CCDC57: variants seen among roughly 807,000 people sequenced by gnomAD.
The protein encoded by CCDC57 is coiled-coil domain-containing protein 57.
Under a neutral mutation model 118.9 loss-of-function variants are expected in CCDC57, and 118 were observed. That is an observed-to-expected ratio of 0.99 (90% CI 0.86 to 1.16). The LOEUF (loss-of-function observed/expected upper bound fraction) is 1.16, where lower values mean the gene tolerates loss of function less well. CCDC57 is among the 50% of genes most tolerant of loss of function. The pLI is 0.00. For missense variants in CCDC57, 1,300 were observed against 1,320.7 expected, an observed-to-expected ratio of 0.98 and a Z score of 0.24; for synonymous variants, 527 against 532.9, an observed-to-expected ratio of 0.99 and a Z score of 0.15.
In CCDC57 at chr17:82,195,160, C is replaced by G. The variant is rs1016145650; in HGVS notation, c.618+103G>C. The G allele has an allele frequency of 6.9e-5, 58 of 846,288 alleles. 1 individual carries two copies. The highest frequency in any genetic ancestry group is 5.2e-4 in the South Asian group (36 of 68,766). The allele number at this position is 846,288 out of a possible 1,614,324, so 52.4% of individuals were successfully genotyped here. A position where few individuals can be genotyped will look rare whatever the true frequency, so the allele number is the denominator to read the frequency against. On this transcript the variant is annotated intron_variant, in intron 5 of 19. Transcript: ENST00000665763. The stretch of plus-strand genomic sequence containing the variant: ...TGAACTCCTGGGCCCAAGGGATCCT[C>G]TTGCCTTGGTCTCCCAAAGTGCTGA...
intron 8 of CCDC57, 23 bp from the exon 8 acceptor site, chr17:82,183,955 G>A (rs576075371): frequency 6.4e-7 from 1 of 1,556,846 alleles, no homozygotes; most frequent in South Asian, 1.1e-5. Context: ...GGGAAACTAT[G>A]TAGATGTGGT....
At chr17:82,191,356 CCTTGA>C (rs1198751705) in intron 7 of CCDC57, among the ~76,000 whole-genome samples, 1 of 152,162 alleles carries the variant, frequency 6.6e-6, no homozygotes, top group Admixed American at 6.5e-5. Context: ...CTCACGCCTG[CCTTGA>C]CTTTTTACCA....
At chr17:82,138,661 G>GGGTCGGAAGAGACGCGTGGCCTGCCCCA (rs2039603570) in intron 16 of CCDC57, among the ~76,000 whole-genome samples, 2 of 147,510 alleles carry the variant, frequency 1.4e-5, no homozygotes, top group African/African-American at 5.2e-5. Flanking sequence ...GGCCTGCCCC[G>GGGTCGGAAGAGACGCGTGGCCTGCCCCA]GGTCGGAAGA....
chr17:82,187,719 C>T (rs1356023536), intron 8 of CCDC57, among the ~76,000 whole-genome samples: 764 of 45,200 alleles, frequency 0.017, 9 homozygotes, highest in Admixed American at 0.038. Context: ...GGGGAGCCGG[C>T]GGGGCTCGGC....
intron 7 of CCDC57, among the ~76,000 whole-genome samples, chr17:82,188,712 G>A (rs1568422433): frequency 6.6e-6 from 1 of 152,360 alleles, no homozygotes; most frequent in East Asian, 1.9e-4. Context: ...ACCTGCGAAA[G>A]GAGGTGCATA....
At chr17:82,108,352 G>A (rs746412927) in intron 19 of CCDC57, among the ~76,000 whole-genome samples, 29 of 152,156 alleles carry the variant, frequency 1.9e-4, no homozygotes, top group South Asian at 4.1e-4. Context: ...CTTGCTCCTC[G>A]AAGGAGTCCC....
At chr17:82,206,099 G>C (rs1017616751) in intron 2 of CCDC57, among the ~76,000 whole-genome samples, 1 of 152,242 alleles carries the variant, frequency 6.6e-6, no homozygotes, top group Admixed American at 6.5e-5. Flanking sequence ...GGAGCGGCAG[G>C]AGAAGCCGCC....
intron 19 of CCDC57, among the ~76,000 whole-genome samples, chr17:82,116,089 G>T (rs188038707): frequency 7.2e-6 from 1 of 139,010 alleles, no homozygotes; most frequent in Non-Finnish European, 1.5e-5. Flanking sequence ...GAGCCACCGC[G>T]CCCGGCCACA....
At chr17:82,191,293 G>C (rs2047643845) in intron 7 of CCDC57, among the ~76,000 whole-genome samples, 1 of 151,974 alleles carries the variant, frequency 6.6e-6, no homozygotes, top group Non-Finnish European at 1.5e-5. Context: ...AAGAAGCAGT[G>C]CCAGAAAAGA....
exon 8 of CCDC57, chr17:82,188,407 G>A (rs779310781): frequency 5.0e-6 from 8 of 1,610,834 alleles, no homozygotes; most frequent in East Asian, 2.2e-5. Flanking sequence ...CCAGACGGTC[G>A]AGCTCCTCAT....
chr17:82,178,676 T>C, intron 10 of CCDC57, 71 bp from the exon 10 acceptor site: 1 of 1,569,356 alleles, frequency 6.4e-7, no homozygotes, highest in Admixed American at 1.8e-5. Context: ...GAGGCTCCAA[T>C]GGCACACATA....
exon 8 of CCDC57, chr17:82,188,292 G>C: frequency 6.3e-7 from 1 of 1,592,658 alleles, no homozygotes; most frequent in African/African-American, 1.3e-5. Context: ...TGCGCCTCGA[G>C]GGTCTCGCAG....
At chr17:82,127,087 G>GA (rs2037555133) in intron 19 of CCDC57, 1 of 985,318 alleles carries the variant, frequency 1.0e-6, no homozygotes, top group Non-Finnish European at 1.2e-6. Flanking sequence ...AACTTCCTGA[G>GA]ACCAGTAGCA....
intron 14 of CCDC57, among the ~76,000 whole-genome samples, chr17:82,162,271 G>A (rs576691316): frequency 8.5e-5 from 13 of 152,302 alleles, no homozygotes; most frequent in Admixed American, 4.6e-4. Context: ...CTCCCAAAGT[G>A]CTGGGATTAC....
At chr17:82,158,814 TCCCAAAGTGTTGGGATTACACGTGTGAGC>T (rs1321484258) in intron 14 of CCDC57, among the ~76,000 whole-genome samples, 8 of 152,008 alleles carry the variant, frequency 5.3e-5, no homozygotes, top group Admixed American at 5.2e-4. Flanking sequence ...TGCCTCAGCC[TCCCAAAGTGTTGGGATTACACGTGTGAGC>T]CACCGCATCC....
intron 9 of CCDC57, among the ~76,000 whole-genome samples, chr17:82,181,251 G>A (rs1053087094): frequency 1.3e-5 from 2 of 152,250 alleles, no homozygotes; most frequent in African/African-American, 4.8e-5. Context: ...TCGTGGGAAC[G>A]AAGCAGCCAG....
chr17:82,149,083 GGGT>G (rs2041459671), intron 16 of CCDC57, among the ~76,000 whole-genome samples: 1 of 60,966 alleles, frequency 1.6e-5, no homozygotes, highest in Non-Finnish European at 3.2e-5. Flanking sequence ...ATGGGTGGGT[GGGT>G]AGATGGATGG....
At chr17:82,202,554 G>A (rs547865585) in intron 2 of CCDC57, among the ~76,000 whole-genome samples, 15 of 148,862 alleles carry the variant, frequency 1.0e-4, no homozygotes, top group African/African-American at 3.2e-4. Context: ...GTTTGAGACC[G>A]GCCTGGCCAA....
exon 20 of CCDC57, chr17:82,101,630 A>C: frequency 2.8e-6 from 4 of 1,424,292 alleles, no homozygotes; most frequent in Non-Finnish European, 3.9e-6. Flanking sequence ...AAGCACAGGC[A>C]CCATGCGGAG....
Sources: allele counts gnomAD v4.1 joint callset (sites outside exome capture counted in the v4.1 genomes callset), GRCh38; gene constraint gnomAD v4.1.1; transcripts MANE v1.5; gene names NCBI Gene and HGNC (gene_info 2026-07-23, HGNC 2026-07-21).